The following TBC1D5 variants were observed in gnomAD, a reference collection of about 807,000 sequenced individuals.
TBC1D5 encodes the protein TBC1 domain family member 5, also known as TBC1 domain family, member 5.
TBC1D5 carries 75 observed loss-of-function variants against 100.3 expected under a neutral mutation model. The ratio of observed to expected loss-of-function variants is 0.75; its 90% CI spans 0.62 to 0.91. The LOEUF is 0.91. Ranked by LOEUF, TBC1D5 falls within the 40% of genes least tolerant of loss-of-function variation. The pLI is 0.00. For missense variants in TBC1D5, 910 were observed against 942.4 expected (o/e 0.97, Z 0.45); for synonymous variants, 323 against 325.6 (o/e 0.99, Z 0.09).
intron 19 of TBC1D5, 81 bp downstream of exon 20, chr3:17,185,028 A>G: frequency 7.9e-7 from 1 of 1,272,214 alleles, no homozygotes; most frequent in Non-Finnish European, 1.1e-6. Context: ...ACAGCTTAGC[A>G]CAAGGCCTAG....
chr3:17,696,252 G>A (rs1207709508), intron 1 of TBC1D5, among the ~76,000 whole-genome samples: 1 of 151,992 alleles, frequency 6.6e-6, no homozygotes, highest in Non-Finnish European at 1.5e-5. Flanking sequence ...TAAGATCAGA[G>A]CAGAACTGAA....
intron 1 of TBC1D5, chr3:17,672,756 A>G (rs995794916): frequency 2.0e-5 from 3 of 152,244 alleles, no homozygotes; most frequent in Non-Finnish European, 2.9e-5. Flanking sequence ...ATACTGCTCT[A>G]GTGGCATCAA....
At chr3:17,176,850 A>G (rs1255620988) in intron 19 of TBC1D5, among the ~76,000 whole-genome samples, 1 of 152,158 alleles carries the variant, frequency 6.6e-6, no homozygotes, top group Non-Finnish European at 1.5e-5. Flanking sequence ...ACTAACCAGA[A>G]AAGTCTCTTC....
At chr3:17,543,182 G>T (rs929158845) in intron 2 of TBC1D5, among the ~76,000 whole-genome samples, 3 of 152,152 alleles carry the variant, frequency 2.0e-5, no homozygotes, top group African/African-American at 7.2e-5. Flanking sequence ...TACTGATACA[G>T]AAAGACTTGG....
intron 3 of TBC1D5, among the ~76,000 whole-genome samples, chr3:17,480,153 C>A (rs1022107318): frequency 6.6e-6 from 1 of 152,220 alleles, no homozygotes. Context: ...CCCCCTGCCA[C>A]CTCAGTCCCT....
At chr3:17,377,369 A>G (rs2092749260) in intron 9 of TBC1D5, among the ~76,000 whole-genome samples, 1 of 152,052 alleles carries the variant, frequency 6.6e-6, no homozygotes, top group East Asian at 1.9e-4. Context: ...TCCATTACTG[A>G]TCCATTATTG....
At chr3:17,665,132 T>C (rs2067116437) in intron 1 of TBC1D5, 2 of 151,814 alleles carry the variant, frequency 1.3e-5, no homozygotes, top group Admixed American at 1.3e-4. Context: ...CCCATGGTCT[T>C]TCTAGCTGTC....
At chr3:17,610,795 T>C (rs1039162797) in intron 2 of TBC1D5, among the ~76,000 whole-genome samples, 3 of 152,148 alleles carry the variant, frequency 2.0e-5, no homozygotes, top group Non-Finnish European at 2.9e-5. Context: ...GGCAAGTGGA[T>C]CACCTGAGGT....
chr3:17,380,530 G>A (rs2092905815), intron 9 of TBC1D5, among the ~76,000 whole-genome samples: 1 of 151,996 alleles, frequency 6.6e-6, no homozygotes, highest in South Asian at 2.1e-4. Flanking sequence ...AGAAAATAAT[G>A]TATTGATAGT....
intron 2 of TBC1D5, among the ~76,000 whole-genome samples, chr3:17,591,620 G>A (rs1327654321): frequency 6.6e-6 from 1 of 152,124 alleles, no homozygotes; most frequent in African/African-American, 2.4e-5. Context: ...GCTCAAGTCC[G>A]ACCTACAGTG....
chr3:17,557,105 G>A (rs1271193139), intron 2 of TBC1D5, among the ~76,000 whole-genome samples: 1 of 152,196 alleles, frequency 6.6e-6, no homozygotes, highest in East Asian at 1.9e-4. Context: ...GCTGACAAAT[G>A]TTTAACCGAT....
chr3:17,406,945 T>A (rs9824952), intron 4 of TBC1D5, among the ~76,000 whole-genome samples: 73,658 of 151,860 alleles, frequency 0.49, 19,166 homozygotes, highest in African/African-American at 0.65. Flanking sequence ...CTTTAAATGA[T>A]CCGATTTCTC....
chr3:17,180,144 G>C (rs1035678654), intron 19 of TBC1D5, among the ~76,000 whole-genome samples: 7 of 152,176 alleles, frequency 4.6e-5, no homozygotes, highest in African/African-American at 1.7e-4. Flanking sequence ...CTCTTCTAAA[G>C]CTGACAGGAA....
At chr3:17,687,521 G>A (rs2070483301) in intron 1 of TBC1D5, among the ~76,000 whole-genome samples, 1 of 152,054 alleles carries the variant, frequency 6.6e-6, no homozygotes, top group African/African-American at 2.4e-5. Flanking sequence ...AAGGAGGGAG[G>A]AGACAAATTT....
At chr3:17,292,385 T>G (rs968320475) in intron 14 of TBC1D5, among the ~76,000 whole-genome samples, 3 of 148,656 alleles carry the variant, frequency 2.0e-5, no homozygotes, top group African/African-American at 7.5e-5. Context: ...AAGAACCAGT[T>G]TAAGATTTTC....
intron 2 of TBC1D5, among the ~76,000 whole-genome samples, chr3:17,526,564 T>C (rs1203500074): frequency 6.6e-6 from 1 of 152,192 alleles, no homozygotes; most frequent in African/African-American, 2.4e-5. Context: ...GTCCTCACCA[T>C]CTGAGATTAG....
chr3:17,528,481 T>TC (rs151220032), intron 2 of TBC1D5, among the ~76,000 whole-genome samples: 27 of 152,260 alleles, frequency 1.8e-4, no homozygotes, highest in Non-Finnish European at 3.5e-4. Context: ...ATCTTGCACT[T>TC]CCTAGCCTCC....
At chr3:17,256,026 ACTCGGT>A (rs2077634818) in intron 16 of TBC1D5, among the ~76,000 whole-genome samples, 1 of 152,224 alleles carries the variant, frequency 6.6e-6, no homozygotes, top group East Asian at 1.9e-4. Context: ...ACAAAGCGAG[ACTCGGT>A]CTCAAAAAAT....
At chr3:17,689,893 G>T (rs200457837) in intron 1 of TBC1D5, among the ~76,000 whole-genome samples, 1 of 103,348 alleles carries the variant, frequency 9.7e-6, no homozygotes, top group South Asian at 3.6e-4. Flanking sequence ...AAACAGGATA[G>T]GACCCCTCCC....
Sources: allele counts gnomAD v4.1 joint callset (sites outside exome capture counted in the v4.1 genomes callset), GRCh38; gene constraint gnomAD v4.1.1; transcripts MANE v1.5; gene names NCBI Gene and HGNC (gene_info 2026-07-23, HGNC 2026-07-21).